ERI3: variants seen among roughly 807,000 people sequenced by gnomAD.
ERI3 encodes ERI1 exoribonuclease 3.
Under a neutral mutation model 44.4 loss-of-function variants are expected in ERI3, and 18 were observed. That is an observed-to-expected ratio of 0.41 (90% CI 0.28 to 0.60). The LOEUF (loss-of-function observed/expected upper bound fraction) is 0.60. Ranked by LOEUF, ERI3 falls within the 20% of genes least tolerant of loss-of-function variation. The pLI, the probability that ERI3 is intolerant of heterozygous loss-of-function variation, is 0.36. For missense variants in ERI3, 294 were observed against 435.5 expected (o/e 0.68, Z 2.89); for synonymous variants, 183 against 164.8 (o/e 1.11, Z -0.84).
At chr1:44,308,697 C>T (rs949514434) in intron 5 of ERI3, among the ~76,000 whole-genome samples, 1 of 152,196 alleles carries the variant, frequency 6.6e-6, no homozygotes, top group Non-Finnish European at 1.5e-5. Context: ...AAATACCTTG[C>T]TCTGACTTGG....
Position 44,355,175 on chromosome 1 carries a change from C to T in ERI3, c.-149G>A. 1 of 1,192,078 alleles carries T rather than the reference C, an allele frequency of 8.4e-7. No homozygotes were observed. Among genetic ancestry groups the T allele is most frequent in the Non-Finnish European group, 1.0e-6 (1 of 961,682 alleles). The allele number at this position is 1,192,078 out of a possible 1,614,324, so 73.8% of individuals were successfully genotyped here. A position where few individuals can be genotyped will look rare whatever the true frequency, so the allele number is the denominator to read the frequency against. ...CGGCGCCGGCCAGGCAGAGGCAGGG[C>T]CAGCTCCGCCCGCTCCCCACCGCCC... On this transcript the variant is annotated 5_prime_UTR_variant, in exon 1 of 9. Coordinates refer to ENST00000372257, the MANE Select transcript of ERI3 (RefSeq NM_024066.3).
chr1:44,340,374 T>C (rs190772367), intron 2 of ERI3, among the ~76,000 whole-genome samples: 1 of 152,338 alleles, frequency 6.6e-6, no homozygotes, highest in Admixed American at 6.5e-5. Flanking sequence ...AATCCTCAAA[T>C]AAGAAATCTC....
At chr1:44,302,850 T>A (rs1261367971) in intron 6 of ERI3, among the ~76,000 whole-genome samples, 2 of 152,206 alleles carry the variant, frequency 1.3e-5, no homozygotes, top group Non-Finnish European at 2.9e-5. Context: ...AGAGTCAGAA[T>A]GCTCAGGTTC....
chr1:44,322,217 G>A (rs900590728), intron 3 of ERI3, among the ~76,000 whole-genome samples: 1 of 152,096 alleles, frequency 6.6e-6, no homozygotes, highest in African/African-American at 2.4e-5. Context: ...CTGGAAACTT[G>A]GCCTTTGGGT....
chr1:44,250,743 C>T (rs926266361), intron 7 of ERI3, among the ~76,000 whole-genome samples: 1 of 145,770 alleles, frequency 6.9e-6, no homozygotes, highest in Non-Finnish European at 1.5e-5. Context: ...GGGCATGGGG[C>T]GGGAGAGGGG....
At chr1:44,268,449 A>C (rs555204757) in intron 7 of ERI3, among the ~76,000 whole-genome samples, 1 of 152,366 alleles carries the variant, frequency 6.6e-6, no homozygotes, top group South Asian at 2.1e-4. Flanking sequence ...CAGCTGGTCA[A>C]ATTCAGAAAT....
chr1:44,242,316 G>A (rs1447913751), intron 8 of ERI3, among the ~76,000 whole-genome samples: 1 of 152,240 alleles, frequency 6.6e-6, no homozygotes, highest in Admixed American at 6.5e-5. Context: ...AAGGTCTGTA[G>A]AGGCCTCACA....
intron 6 of ERI3, among the ~76,000 whole-genome samples, chr1:44,304,393 A>G (rs1372301122): frequency 6.6e-6 from 1 of 152,214 alleles, no homozygotes; most frequent in Non-Finnish European, 1.5e-5. Flanking sequence ...CAAGGAAGGA[A>G]ATAAGTATTA....
chr1:44,305,898 C>G (rs1645821663), intron 6 of ERI3, among the ~76,000 whole-genome samples: 2 of 152,210 alleles, frequency 1.3e-5, no homozygotes, highest in South Asian at 2.1e-4. Context: ...CACAGACTAA[C>G]AAGTTGTGAG....
At chr1:44,324,336 T>C (rs941344489) in intron 3 of ERI3, among the ~76,000 whole-genome samples, 1 of 152,098 alleles carries the variant, frequency 6.6e-6, no homozygotes, top group East Asian at 1.9e-4. Context: ...ATTTCACAGT[T>C]CAAAGCACTT....
intron 6 of ERI3, among the ~76,000 whole-genome samples, chr1:44,289,781 G>C (rs1198476820): frequency 2.0e-5 from 3 of 152,254 alleles, no homozygotes; most frequent in African/African-American, 7.2e-5. Context: ...CTCGCTAATG[G>C]GTATGGCCAC....
intron 7 of ERI3, among the ~76,000 whole-genome samples, chr1:44,259,723 C>CACACACACACACACACACAA (rs1394413620): frequency 3.4e-5 from 5 of 147,474 alleles, no homozygotes; most frequent in Non-Finnish European, 6.0e-5. Flanking sequence ...CACACACACA[C>CACACACACACACACACACAA]AAATTAGCCA....
chr1:44,297,824 C>A (rs1003109559), intron 6 of ERI3, among the ~76,000 whole-genome samples: 2 of 152,242 alleles, frequency 1.3e-5, no homozygotes, highest in Non-Finnish European at 2.9e-5. Context: ...GAGATTAATT[C>A]TCTCCTCTCA....
intron 4 of ERI3, 73 bp downstream of exon 4, chr1:44,319,555 G>A: frequency 1.1e-6 from 1 of 951,780 alleles, no homozygotes; most frequent in South Asian, 1.4e-5. Flanking sequence ...TCTCTAAGTG[G>A]CCTATATAGA....
chr1:44,334,372 A>C (rs1381235095), intron 3 of ERI3, among the ~76,000 whole-genome samples: 1 of 152,206 alleles, frequency 6.6e-6, no homozygotes, highest in African/African-American at 2.4e-5. Context: ...TCAGGGTCAC[A>C]ACAACCATCA....
At chr1:44,289,459 G>A (rs1645459038) in intron 6 of ERI3, among the ~76,000 whole-genome samples, 1 of 152,184 alleles carries the variant, frequency 6.6e-6, no homozygotes, top group Admixed American at 6.5e-5. Flanking sequence ...TCCATCCAGG[G>A]AAAATGAGAT....
chr1:44,333,816 T>A (rs908356910), intron 3 of ERI3, among the ~76,000 whole-genome samples: 3 of 151,972 alleles, frequency 2.0e-5, no homozygotes, highest in Non-Finnish European at 4.4e-5. Context: ...CCACCAACCC[T>A]CCCCACATAT....
chr1:44,231,199 T>C (rs1459698025), intron 8 of ERI3, among the ~76,000 whole-genome samples: 1 of 152,206 alleles, frequency 6.6e-6, no homozygotes, highest in African/African-American at 2.4e-5. Flanking sequence ...TTTCCACTTG[T>C]GGTATCATGC....
chr1:44,337,425 A>G (rs1296874815), intron 3 of ERI3, among the ~76,000 whole-genome samples: 1 of 152,248 alleles, frequency 6.6e-6, no homozygotes, highest in East Asian at 1.9e-4. Context: ...AATTCCCAGC[A>G]TAAGCACCAG....
Sources: gnomAD v4.1 joint callset for allele counts (sites outside exome capture counted in the v4.1 genomes callset) on GRCh38, gnomAD v4.1.1 for gene constraint, MANE v1.5 for transcripts, NCBI Gene and HGNC (gene_info 2026-07-23, HGNC 2026-07-21) for gene names.